The following SMG9 variants were observed in gnomAD, a reference collection of about 807,000 sequenced individuals.
SMG9 encodes the protein SMG9 nonsense mediated mRNA decay factor, also known as nonsense-mediated mRNA decay factor SMG9.
A neutral mutation model predicts 64.0 loss-of-function variants in SMG9; 55 were observed. That is an observed-to-expected ratio of 0.86 (90% CI 0.69 to 1.08). The LOEUF is 1.08. Ranked by LOEUF, SMG9 falls within the 50% of genes least tolerant of loss-of-function variation. The probability of loss-of-function intolerance (pLI) is 0.00; values close to 1 mark genes in which losing one functional copy is unlikely to be tolerated. For missense variants in SMG9, 554 were observed against 681.3 expected (o/e 0.81, Z 2.08); for synonymous variants, 244 against 254.8 (o/e 0.96, Z 0.41).
chr19:43,751,725 G>A (rs1389937143), intron 1 of SMG9, among the ~76,000 whole-genome samples: 1 of 152,226 alleles, frequency 6.6e-6, no homozygotes, highest in East Asian at 1.9e-4. Flanking sequence ...ACAGGAATGT[G>A]GGTGTGGAGG....
At chr19:43,749,633 C>A in intron 2 of SMG9, among the ~76,000 whole-genome samples, 1 of 152,194 alleles carries the variant, frequency 6.6e-6, no homozygotes, top group Non-Finnish European at 1.5e-5. Flanking sequence ...CAGAAGCTGG[C>A]CCCAGTTGTC....
intron 6 of SMG9, among the ~76,000 whole-genome samples, chr19:43,741,462 C>T (rs1265810520): frequency 1.3e-5 from 2 of 152,118 alleles, no homozygotes; most frequent in Non-Finnish European, 2.9e-5. Flanking sequence ...AAGGCTTTGG[C>T]CTATGAGCCT....
intron 1 of SMG9, among the ~76,000 whole-genome samples, chr19:43,752,986 C>T (rs1002560539): frequency 5.3e-5 from 8 of 151,776 alleles, no homozygotes; most frequent in Middle Eastern, 3.4e-3. Flanking sequence ...TAAATCCCTC[C>T]ATGAATCCTC....
chr19:43,737,454 G>A, intron 9 of SMG9, 143 bp downstream of exon 9: 1 of 640,926 alleles, frequency 1.6e-6, no homozygotes, highest in South Asian at 1.9e-5. Flanking sequence ...TTGAGGGGGA[G>A]GTTAGATGGG....
chr19:43,747,800 T>C lies in SMG9; in HGVS notation c.323A>G (p.Lys108Arg). 6.2e-7 allele frequency: 1 copy of C among 1,605,712 alleles called. No individual in the cohort carries two copies. Among genetic ancestry groups the C allele is most frequent in the Non-Finnish European group, 8.5e-7 (1 of 1,175,736 alleles). The part of the protein sequence containing the change: ...IVLMKPREEG[K>R]GPVAVTGAST... ...GGCACCTGTCACGGCCACAGGCCCC[T>C]TCCCCTCCTCCCGTGGCTTCATGAG... Residue 108 changes from lysine (K) to arginine (R), a missense_variant, in exon 4 of 14, where the codon AAG (lysine) becomes AGG (arginine). Transcript: ENST00000270066.
intron 1 of SMG9, among the ~76,000 whole-genome samples, chr19:43,752,262 C>G (rs1289409863): frequency 6.6e-6 from 1 of 152,216 alleles, no homozygotes; most frequent in Admixed American, 6.5e-5. Context: ...GTCTGGCTAC[C>G]TATGCAACCC....
chr19:43,749,173 G>C (rs1001598093), intron 2 of SMG9, among the ~76,000 whole-genome samples: 2 of 152,190 alleles, frequency 1.3e-5, no homozygotes, highest in African/African-American at 4.8e-5. Context: ...AACGCTGTGA[G>C]GGTAGAGAGA....
chr19:43,753,386 G>A (rs1969250829), intron 1 of SMG9, among the ~76,000 whole-genome samples: 1 of 151,912 alleles, frequency 6.6e-6, no homozygotes, highest in Non-Finnish European at 1.5e-5. Context: ...GCCCAGCCCT[G>A]AGGTTTCTGT....
chr19:43,748,310 C>CCT (rs1310922886), intron 2 of SMG9, among the ~76,000 whole-genome samples: 1 of 152,238 alleles, frequency 6.6e-6, no homozygotes, highest in Non-Finnish European at 1.5e-5. Context: ...TGCTCAGCTG[C>CCT]CTCTGCGAGG....
Position 43,729,143 on chromosome 19 carries a change from C to T in SMG9, c.*2453G>A, listed in dbSNP as rs151035181. 86 of 577,816 alleles carry T rather than the reference C, an allele frequency of 1.5e-4. No individual in the cohort carries two copies. Among genetic ancestry groups the T allele is most frequent in the African/African-American group, 1.2e-3 (57 of 49,398 alleles). 35.8% of individuals were successfully genotyped at this position (577,816 alleles called of 1,614,324 possible). A position where few individuals can be genotyped will look rare whatever the true frequency, so the allele number is the denominator to read the frequency against. ...TGACTCCTCTGTCAAACTGCCTCAA[C>T]GAGCCAGCCCCTGCACAAAACCCTG... On this transcript the variant is annotated 3_prime_UTR_variant, in exon 14 of 14. Coordinates refer to ENST00000270066, the MANE Select transcript of SMG9 (RefSeq NM_019108.4).
At chr19:43,737,980 C>T in intron 8 of SMG9, 142 bp downstream of exon 8, 1 of 801,268 alleles carries the variant, frequency 1.2e-6, no homozygotes, top group Non-Finnish European at 2.1e-6. Context: ...TCAGTGTTGT[C>T]CTCTTCCTAT....
Position 43,738,101 on chromosome 19 carries a change from G to C in SMG9, c.909+21C>G, listed in dbSNP as rs374889952. Reference sequence around the variant, plus strand: ...GTGGGGATGTAAAACCTCAGTCCTGGGCCTGGCTTGGCTCCCTCACCTGCA... The same window carrying C: ...GTGGGGATGTAAAACCTCAGTCCTGCGCCTGGCTTGGCTCCCTCACCTGCA... On this transcript the variant is annotated intron_variant, in intron 8 of 13. Transcript: ENST00000270066. 2.2e-5 allele frequency: 35 copies of C among 1,608,612 alleles called. No individual in the cohort carries two copies. In the Admixed American group the frequency reaches 3.3e-4, roughly 15 times the overall value.
intron 9 of SMG9, among the ~76,000 whole-genome samples, chr19:43,735,546 C>A (rs140754305): frequency 7.6e-6 from 1 of 130,738 alleles, no homozygotes; most frequent in Non-Finnish European, 1.5e-5. Context: ...ACCTAGGAGG[C>A]GGAGGTTGCA....
At chr19:43,733,579 G>T in intron 11 of SMG9, 47 bp downstream of exon 11, 1 of 1,610,236 alleles carries the variant, frequency 6.2e-7, no homozygotes, top group Non-Finnish European at 8.5e-7. Context: ...GGTTGGATCA[G>T]GAATTAGGAG....
chr19:43,732,654 G>A (rs1390593469), intron 13 of SMG9: 2 of 626,566 alleles, frequency 3.2e-6, no homozygotes, highest in Non-Finnish European at 5.5e-6. Flanking sequence ...GGCTGATTAG[G>A]AGGATTCAAA....
At position 43,729,164 on chromosome 19, in the gene SMG9, C is replaced by T; in HGVS notation, c.*2432G>A. The stretch of plus-strand genomic sequence containing the variant: ...TCAACGAGCCAGCCCCTGCACAAAA[C>T]CCTGGAGGTGGGACAGGGCCTTTGG... On this transcript the variant is annotated 3_prime_UTR_variant, in exon 14 of 14. Coordinates refer to ENST00000270066, the MANE Select transcript of SMG9 (RefSeq NM_019108.4). The T allele has an allele frequency of 5.2e-6, 2 of 382,076 alleles. No homozygotes were observed. The highest frequency in any genetic ancestry group is 7.2e-6 in the Non-Finnish European group (2 of 278,616). 23.7% of individuals were successfully genotyped at this position (382,076 alleles called of 1,614,324 possible).
intron 6 of SMG9, among the ~76,000 whole-genome samples, chr19:43,742,137 C>A (rs1342838750): frequency 1.3e-5 from 2 of 151,882 alleles, no homozygotes; most frequent in African/African-American, 4.8e-5. Context: ...GACAAAGCGA[C>A]AATTGTCTCA....
intron 5 of SMG9, 66 bp from the exon 6 acceptor site, chr19:43,744,950 A>C: frequency 8.1e-7 from 1 of 1,232,910 alleles, no homozygotes; most frequent in Non-Finnish European, 1.2e-6. Context: ...TGAGGGGGGG[A>C]CTCCAGAGAC....
chr19:43,754,888 G>C lies in SMG9; in HGVS notation c.-241C>G, dbSNP rs1207203902. 1 of 152,352 alleles carries C rather than the reference G, an allele frequency of 6.6e-6. No individual in the cohort carries two copies. Among genetic ancestry groups the C allele is most frequent in the Non-Finnish European group, 1.5e-5 (1 of 68,104 alleles). The allele number at this position is 152,352 out of a possible 1,614,324, so 9.4% of individuals were successfully genotyped here. On this transcript the variant is annotated 5_prime_UTR_variant, in exon 1 of 14. Coordinates refer to ENST00000270066, the MANE Select transcript of SMG9 (RefSeq NM_019108.4). ...AAGAAGAGGAGGAGGATGTAACGCG[G>C]GCCCGAGCTGAGATCAGTTCCCTCA... is the stretch of plus-strand genomic sequence containing the variant.
Sources: gnomAD v4.1 joint callset for allele counts (sites outside exome capture counted in the v4.1 genomes callset) on GRCh38, gnomAD v4.1.1 for gene constraint, MANE v1.5 for transcripts, NCBI Gene and HGNC (gene_info 2026-07-23, HGNC 2026-07-21) for gene names.